Variants in HYDIN observed in about 807,000 individuals in gnomAD.
HYDIN encodes the protein HYDIN axonemal central pair apparatus protein.
Under a neutral mutation model 403.9 loss-of-function variants are expected in HYDIN, and 132 were observed. The observed-to-expected ratio is 0.33, with a 90% CI of 0.28 to 0.38. The LOEUF is 0.38. Ranked by LOEUF, HYDIN falls within the 10% of genes least tolerant of loss-of-function variation. The pLI, the probability that HYDIN is intolerant of heterozygous loss-of-function variation, is 1.00. For missense variants in HYDIN, 2,827 were observed against 5,009.5 expected (o/e 0.56, Z 13.15); for synonymous variants, 1,202 against 1,891.7 (o/e 0.64, Z 9.46).
intron 83 of HYDIN, among the ~76,000 whole-genome samples, chr16:70,824,995 G>A (rs2968375): frequency 4.6e-5 from 7 of 151,912 alleles, no homozygotes; most frequent in East Asian, 1.9e-4. Context: ...GACTATAGGC[G>A]CGTGCCAGCC....
intron 41 of HYDIN, among the ~76,000 whole-genome samples, chr16:70,945,117 A>C (rs2077811105): frequency 6.6e-6 from 1 of 152,208 alleles, no homozygotes; most frequent in South Asian, 2.1e-4. Flanking sequence ...AAACAGGAAG[A>C]TGTCACTGTG....
intron 10 of HYDIN, among the ~76,000 whole-genome samples, chr16:71,105,704 T>C (rs2083594792): frequency 2.7e-5 from 1 of 37,424 alleles, no homozygotes; most frequent in Non-Finnish European, 5.3e-5. Flanking sequence ...TACCTAGCAA[T>C]GCATTTCACA....
In HYDIN at chr16:70,803,963, T is replaced by A. The variant is rs2035001337; in HGVS notation, c.*3617A>T. ...TTTCTGAACATCCCCCAGTTAGAAG[T>A]CTCCTGGTCTGCTTTGCTGAGAATG... On this transcript the variant is annotated 3_prime_UTR_variant, in exon 86 of 86. Transcript: ENST00000393567. Among the ~76,000 whole-genome samples the A allele has an allele frequency of 6.6e-6, 1 of 152,150 alleles. No homozygotes were observed. The highest frequency in any genetic ancestry group is 1.5e-5 in the Non-Finnish European group (1 of 68,030).
At chr16:71,199,264 C>G (rs767815784) in intron 1 of HYDIN, among the ~76,000 whole-genome samples, 7 of 152,140 alleles carry the variant, frequency 4.6e-5, no homozygotes, top group Admixed American at 2.0e-4. Context: ...TTACAAATAT[C>G]TTTTCCCACT....
intron 13 of HYDIN, among the ~76,000 whole-genome samples, chr16:71,074,096 A>G (rs1328059189): frequency 6.6e-6 from 1 of 152,256 alleles, no homozygotes; most frequent in Non-Finnish European, 1.5e-5. Context: ...CTTTTTAGGA[A>G]TGGAACTTAG....
rs1282621016 is a variant in HYDIN at position 70,832,874 on chromosome 16, A to G, written c.13873T>C (p.Cys4625Arg). ...TCTTTTACCGCAGGTGGTCCCACGC[A>G]GACTCCAGACAGGGTTAGACTCAGA... ...SPLSLTLSGV[C>R]VGPPAVKEVV... The change falls in exon 80 of 86, where the codon TGC becomes CGC. Residue 4625 changes from cysteine (C) to arginine (R), a missense_variant. Transcript: ENST00000393567. 3.7e-6 allele frequency: 6 copies of G among 1,613,662 alleles called. No homozygotes were observed. Among genetic ancestry groups the G allele is most frequent in the East Asian group, 4.5e-5 (2 of 44,864 alleles).
At chr16:70,934,455 T>C (rs143400447) in intron 45 of HYDIN, among the ~76,000 whole-genome samples, 3,056 of 152,230 alleles carry the variant, frequency 0.02, 36 homozygotes, top group Middle Eastern at 0.079. Flanking sequence ...AGAGCAGTCC[T>C]TTTGATGAGG....
At chr16:70,938,526 TG>T (rs1482177132) in intron 44 of HYDIN, 87 bp downstream of exon 44, 12 of 765,738 alleles carry the variant, frequency 1.6e-5, no homozygotes, top group Non-Finnish European at 2.6e-5. Context: ...GCCTGGAAGA[TG>T]GCTTGGGCTC....
At chr16:71,107,120 A>T (rs1315180061) in intron 10 of HYDIN, among the ~76,000 whole-genome samples, 1 of 138,924 alleles carries the variant, frequency 7.2e-6, no homozygotes, top group Non-Finnish European at 1.5e-5. Flanking sequence ...ACACATGGAC[A>T]CAGGAAGGAG....
At chr16:71,188,059 T>C (rs2087241138) in intron 1 of HYDIN, among the ~76,000 whole-genome samples, 2 of 152,186 alleles carry the variant, frequency 1.3e-5, no homozygotes, top group Admixed American at 1.3e-4. Flanking sequence ...TAAGAACTAT[T>C]ATTATAGCCC....
At chr16:71,219,871 A>G (rs2089103755) in intron 1 of HYDIN, among the ~76,000 whole-genome samples, 1 of 152,236 alleles carries the variant, frequency 6.6e-6, no homozygotes, top group African/African-American at 2.4e-5. Context: ...AGTGTTAATG[A>G]GGAAACAGAT....
chr16:70,864,399 G>GT (rs1276972037), intron 67 of HYDIN, among the ~76,000 whole-genome samples: 1 of 97,490 alleles, frequency 1.0e-5, no homozygotes, highest in African/African-American at 3.8e-5. Context: ...GGGAGGCAGA[G>GT]TTTTTTTCTG....
At chr16:70,980,865 G>A (rs1422900633) in intron 29 of HYDIN, among the ~76,000 whole-genome samples, 1 of 152,174 alleles carries the variant, frequency 6.6e-6, no homozygotes, top group Admixed American at 6.5e-5. Flanking sequence ...TGCTACAAAA[G>A]GATAGTCCTG....
At chr16:71,211,194 A>G (rs768629646) in intron 1 of HYDIN, among the ~76,000 whole-genome samples, 49 of 152,286 alleles carry the variant, frequency 3.2e-4, no homozygotes, top group Admixed American at 2.6e-3. Context: ...ATAAAAAGAA[A>G]GAGGAAAAAT....
chr16:71,193,968 C>T (rs868121831), intron 1 of HYDIN, among the ~76,000 whole-genome samples: 14 of 152,340 alleles, frequency 9.2e-5, no homozygotes, highest in African/African-American at 2.9e-4. Context: ...ACCCAATACA[C>T]AACATGTAAA....
At chr16:70,928,888 GA>G (rs2077233662) in intron 45 of HYDIN, among the ~76,000 whole-genome samples, 1 of 90,482 alleles carries the variant, frequency 1.1e-5, no homozygotes, top group Non-Finnish European at 2.2e-5. Flanking sequence ...TGACAGAAAA[GA>G]GAAAGAAGAA....
intron 41 of HYDIN, among the ~76,000 whole-genome samples, chr16:70,949,809 T>C (rs1480305058): frequency 6.6e-6 from 1 of 152,290 alleles, no homozygotes; most frequent in Non-Finnish European, 1.5e-5. Context: ...TAGGTTACCT[T>C]ACTGAAAGGA....
chr16:70,979,369 T>C (rs564455280), intron 29 of HYDIN, among the ~76,000 whole-genome samples: 6 of 152,002 alleles, frequency 3.9e-5, no homozygotes, highest in Admixed American at 6.5e-5. Context: ...TTCTTGGTTC[T>C]AGCACTTAAA....
intron 18 of HYDIN, among the ~76,000 whole-genome samples, chr16:71,043,115 AT>A (rs199568757): frequency 2.4e-4 from 36 of 148,600 alleles, no homozygotes; most frequent in African/African-American, 5.9e-4. Context: ...TCAGAAAGTA[AT>A]TTTTTTTTTC....
Sources: allele counts gnomAD v4.1 joint callset (sites outside exome capture counted in the v4.1 genomes callset), GRCh38; gene constraint gnomAD v4.1.1; transcripts MANE v1.5; gene names NCBI Gene and HGNC (gene_info 2026-07-23, HGNC 2026-07-21).